Variants in BRCA2 observed in about 807,000 individuals in gnomAD.
The protein encoded by BRCA2 is breast cancer type 2 susceptibility protein.
In BRCA2, 203 loss-of-function variants were observed where a neutral mutation model predicts 276.7. The ratio of observed to expected loss-of-function variants is 0.73; its 90% CI spans 0.65 to 0.82. The LOEUF (loss-of-function observed/expected upper bound fraction) is 0.82. Ranked by LOEUF, BRCA2 falls within the 40% of genes least tolerant of loss-of-function variation. The probability of loss-of-function intolerance (pLI) is 0.00; values close to 1 mark genes in which losing one functional copy is unlikely to be tolerated. For missense variants in BRCA2, 3,920 were observed against 3,915.0 expected (o/e 1.00, Z -0.03); for synonymous variants, 1,289 against 1,338.4 (o/e 0.96, Z 0.81).
At chr13:32,385,404 C>T in intron 24 of BRCA2, 1 of 216,600 alleles carries the variant, frequency 4.6e-6, no homozygotes. Flanking sequence ...CCAATACGTC[C>T]ATGCAGACCT....
At chr13:32,326,016 T>A (rs2137448832) in intron 4 of BRCA2, 85 bp from the exon 5 acceptor site, 1 of 1,200,798 alleles carries the variant, frequency 8.3e-7, no homozygotes, top group African/African-American at 1.5e-5. Context: ...TTTATATGAA[T>A]GAGAATCTTC....
chr13:32,341,258 G>T, intron 11 of BRCA2, 62 bp downstream of exon 11: 1 of 1,597,600 alleles, frequency 6.3e-7, no homozygotes, highest in Non-Finnish European at 8.5e-7. Context: ...TTATTCAGTA[G>T]ACTTGGTATG....
At chr13:32,384,136 G>A (rs1002301851) in intron 24 of BRCA2, among the ~76,000 whole-genome samples, 1 of 152,176 alleles carries the variant, frequency 6.6e-6, no homozygotes, top group African/African-American at 2.4e-5. Flanking sequence ...CTGATAACAC[G>A]AGGTTCAAAA....
At position 32,338,721 on chromosome 13, in the gene BRCA2, G is replaced by A. The variant is rs876659847; in HGVS notation, c.4366G>A (p.Glu1456Lys). 1 of 1,597,970 alleles carries A rather than the reference G, an allele frequency of 6.3e-7. No homozygotes were observed. Among genetic ancestry groups the A allele is most frequent in the African/African-American group, 1.3e-5 (1 of 74,514 alleles). ...IVNFFDQKPE[E>K]LHNFSLNSEL... ...AAATTTCTTTGATCAGAAACCAGAAGAATTGCATAACTTTTCCTTAAATTC... is the reference window on the plus strand; with the variant it reads ...AAATTTCTTTGATCAGAAACCAGAAAAATTGCATAACTTTTCCTTAAATTC... The change falls in exon 11 of 27, where the codon GAA becomes AAA. Residue 1456 changes from glutamate (E) to lysine (K), a missense_variant. By Grantham distance (56) the Glu-to-Lys change is moderately conservative. Around this residue, in one of 2 missense-constraint regions of BRCA2, gnomAD observed 3,263 missense variants for 3,156.9 expected, o/e 1.03. Coordinates refer to ENST00000380152, the MANE Select transcript of BRCA2 (RefSeq NM_000059.4).
rs886038108 is a variant in BRCA2 at position 32,339,044 on chromosome 13, G to A, written c.4689G>A (p.Trp1563Ter). ...AAATCACCAGTTTTAGCCATCAATGGGCAAAGACCCTAAAGTACAGAGAGG... is the reference window on the plus strand; with the variant it reads ...AAATCACCAGTTTTAGCCATCAATGAGCAAAGACCCTAAAGTACAGAGAGG... ...TSEITSFSHQ[W>*]AKTLKYREAC... Residue 1563 changes from tryptophan (W) to a stop codon, truncating the protein, a stop_gained, in exon 11 of 27, where the codon TGG becomes TGA. Coordinates refer to ENST00000380152, the MANE Select transcript of BRCA2 (RefSeq NM_000059.4). LOFTEE classifies it high-confidence loss of function. 1 of 1,613,840 alleles carries A rather than the reference G, an allele frequency of 6.2e-7. No homozygotes were observed. Among genetic ancestry groups the A allele is most frequent in the African/African-American group, 1.3e-5 (1 of 74,868 alleles).
chr13:32,326,689 A>G, intron 7 of BRCA2, 76 bp downstream of exon 7: 1 of 1,133,436 alleles, frequency 8.8e-7, no homozygotes, highest in Non-Finnish European at 1.3e-6. Flanking sequence ...CTTCTGTTAA[A>G]AGGAAATATG....
intron 20 of BRCA2, among the ~76,000 whole-genome samples, chr13:32,373,222 G>C (rs1253457718): frequency 6.6e-6 from 1 of 151,402 alleles, no homozygotes; most frequent in Admixed American, 6.6e-5. Context: ...AAAACTCCTA[G>C]CCTCGCTGGG....
chr13:32,389,563 G>C (rs900766638), intron 24 of BRCA2, among the ~76,000 whole-genome samples: 1 of 152,124 alleles, frequency 6.6e-6, no homozygotes, highest in African/African-American at 2.4e-5. Flanking sequence ...ATTTGTAGTT[G>C]ATAATTCTTT....
chr13:32,360,676 A>T (rs920678755), intron 16 of BRCA2, among the ~76,000 whole-genome samples: 10 of 152,116 alleles, frequency 6.6e-5, no homozygotes, highest in Admixed American at 1.3e-4. Flanking sequence ...CTTATTTTTG[A>T]AAAAATAATT....
At position 32,355,075 on chromosome 13, in the gene BRCA2, C is replaced by G. The variant is rs398122577; in HGVS notation, c.7222C>G (p.Pro2408Ala). ...AGGCAGACCAACCAAAGTCTTTGTT[C>G]CACCTTTTAAAACTAAATCACATTT... ...TTGRPTKVFV[P>A]PFKTKSHFHR... The change falls in exon 14 of 27, where the codon CCA (proline) becomes GCA (alanine). Residue 2408 changes from proline (P) to alanine (A), a missense_variant. Around this residue, in one of 2 missense-constraint regions of BRCA2, gnomAD observed 3,263 missense variants for 3,156.9 expected, o/e 1.03. Coordinates refer to ENST00000380152, the MANE Select transcript of BRCA2 (RefSeq NM_000059.4). 6.2e-7 allele frequency: 1 copy of G among 1,613,884 alleles called. No individual in the cohort carries two copies. The highest frequency in any genetic ancestry group is 1.3e-5 in the African/African-American group (1 of 75,020).
chr13:32,339,789 G>A lies in BRCA2; in HGVS notation c.5434G>A (p.Glu1812Lys), dbSNP rs80358767. 1.2e-6 allele frequency: 2 copies of A among 1,613,622 alleles called. No homozygotes were observed. The highest frequency in any genetic ancestry group is 2.7e-5 in the African/African-American group (2 of 74,888). ...QTVNEDICVE[E>K]LVTSSSPCKN... ...TGTAAATGAAGATATTTGCGTTGAG[G>A]AACTTGTGACTAGCTCTTCACCCTG... is the stretch of plus-strand genomic sequence containing the variant. Residue 1812 changes from glutamate (E) to lysine (K), a missense_variant, in exon 11 of 27, where the codon GAA (glutamate) becomes AAA (lysine). Transcript: ENST00000380152.
Position 32,336,660 on chromosome 13 carries a change from C to T in BRCA2, c.2305C>T (p.Leu769Phe), listed in dbSNP as rs2072454785. 3.7e-6 allele frequency: 6 copies of T among 1,613,896 alleles called. No homozygotes were observed. Among genetic ancestry groups the T allele is most frequent in the Non-Finnish European group, 5.1e-6 (6 of 1,179,870 alleles). ...LLYDHENAST[L>F]ILTPTSKDVL... ...ATATGATCATGAAAATGCCAGCACT[C>T]TTATTTTAACTCCTACTTCCAAGGA... is the stretch of plus-strand genomic sequence containing the variant. The change falls in exon 11 of 27, where the codon CTT becomes TTT. Residue 769 changes from leucine (L) to phenylalanine (F), a missense_variant. Coordinates refer to ENST00000380152, the MANE Select transcript of BRCA2 (RefSeq NM_000059.4).
rs1060502449 is a variant in BRCA2 at position 32,337,461 on chromosome 13, G to A, written c.3106G>A (p.Glu1036Lys). The A allele has an allele frequency of 1.2e-6, 2 of 1,612,212 alleles. No individual in the cohort carries two copies. The highest frequency in any genetic ancestry group is 1.7e-6 in the Non-Finnish European group (2 of 1,178,978). The part of the protein sequence containing the change: ...KSKMFFKDIE[E>K]QYPTSLACVE... ...CAAAATGTTCTTCAAAGATATTGAA[G>A]AACAATATCCTACTAGTTTAGCTTG... The change falls in exon 11 of 27, where the codon GAA (glutamate) becomes AAA (lysine). Residue 1036 changes from glutamate to lysine, a missense_variant. Coordinates refer to ENST00000380152, the MANE Select transcript of BRCA2 (RefSeq NM_000059.4).
intron 24 of BRCA2, among the ~76,000 whole-genome samples, chr13:32,381,978 G>A (rs1324837250): frequency 6.6e-6 from 1 of 152,132 alleles, no homozygotes; most frequent in East Asian, 1.9e-4. Flanking sequence ...GCAAGTATGT[G>A]GGGAAGTTCA....
chr13:32,385,366 G>A, intron 24 of BRCA2: 2 of 219,874 alleles, frequency 9.1e-6, no homozygotes. Context: ...GGAAGCTGAA[G>A]GAGAAAAGTA....
chr13:32,383,369 A>G (rs989140419), intron 24 of BRCA2, among the ~76,000 whole-genome samples: 2 of 152,072 alleles, frequency 1.3e-5, no homozygotes, highest in East Asian at 1.9e-4. Flanking sequence ...AAAGAGAAAG[A>G]AAAGGGTGTT....
chr13:32,346,488 C>G (rs1226711889), intron 12 of BRCA2, among the ~76,000 whole-genome samples: 1 of 152,006 alleles, frequency 6.6e-6, no homozygotes, highest in Non-Finnish European at 1.5e-5. Flanking sequence ...TGAGAATGAA[C>G]AATATCTAAA....
chr13:32,351,015 A>G (rs761275515), intron 13 of BRCA2, among the ~76,000 whole-genome samples: 2 of 152,160 alleles, frequency 1.3e-5, no homozygotes, highest in African/African-American at 4.8e-5. Context: ...AAAGGTTTGT[A>G]AATGCACCAA....
chr13:32,325,941 A>G (rs1175006799), intron 4 of BRCA2, among the ~76,000 whole-genome samples, 160 bp from the exon 5 acceptor site: 4 of 152,350 alleles, frequency 2.6e-5, no homozygotes, highest in African/African-American at 7.2e-5. Flanking sequence ...TGATTATTTA[A>G]TGCTTCATGA....
Sources: gnomAD v4.1 joint callset for allele counts (sites outside exome capture counted in the v4.1 genomes callset) on GRCh38, gnomAD v4.1.1 for gene constraint, gnomAD v4.1.1 regional missense constraint, MANE v1.5 for transcripts, NCBI Gene and HGNC (gene_info 2026-07-23, HGNC 2026-07-21) for gene names.